The following LIPE variants were observed in gnomAD, a reference collection of about 807,000 sequenced individuals.
LIPE encodes hormone-sensitive lipase.
LIPE carries 66 observed loss-of-function variants against 88.5 expected under a neutral mutation model. That is an observed-to-expected ratio of 0.75 (90% CI 0.61 to 0.91). LIPE has a LOEUF of 0.91. LIPE is among the 40% of genes least tolerant of loss of function. LIPE has a pLI of 0.00. For synonymous variants in LIPE, 570 were observed against 617.5 expected (o/e 0.92, Z 1.14); for missense variants, 1,346 against 1,434.7 (o/e 0.94, Z 1.00).
chr19:42,412,400 G>T, intron 1 of LIPE: 1 of 985,942 alleles, frequency 1.0e-6, no homozygotes, highest in Non-Finnish European at 1.2e-6. Flanking sequence ...CCTGGGCTGG[G>T]ACTGCTGGTC....
Position 42,401,759 on chromosome 19 carries a change from C to G in LIPE, c.*53G>C, listed in dbSNP as rs1423163452. ...GGCACAGCCCGCGTCCCCTTCCGCC[C>G]GGCCCGGAAGGCATTCATGACGGAG... On this transcript the variant is annotated 3_prime_UTR_variant, in exon 10 of 10. Transcript: ENST00000244289. The G allele has an allele frequency of 1.6e-5, 22 of 1,339,250 alleles. No homozygotes were observed. Among genetic ancestry groups the G allele is most frequent in the Non-Finnish European group, 1.9e-6 (2 of 1,032,698 alleles). The allele number at this position is 1,339,250 out of a possible 1,614,324, so 83.0% of individuals were successfully genotyped here.
intron 1 of LIPE, chr19:42,411,251 T>C: frequency 1.0e-6 from 1 of 955,002 alleles, no homozygotes; most frequent in Non-Finnish European, 1.2e-6. Flanking sequence ...CGACTCTGCT[T>C]CCCTAACTCA....
At chr19:42,412,438 G>T in intron 1 of LIPE, 2 of 985,952 alleles carry the variant, frequency 2.0e-6, no homozygotes, top group Non-Finnish European at 2.4e-6. Context: ...GCAGCCTGGG[G>T]CAATAAACCC....
chr19:42,406,444 G>A lies in LIPE; in HGVS notation c.2138-56C>T. ...CCTGGCAGGGGCAGAGGCCTGGGGA[G>A]GAGGGCAGGGAGGAACTCAAGCTGG... On this transcript the variant is annotated intron_variant, in intron 6 of 9. Coordinates refer to ENST00000244289, the MANE Select transcript of LIPE (RefSeq NM_005357.4). The surrounding 1 kb of genome is among the most constrained non-coding windows in gnomAD (Gnocchi z 5.7). 6.9e-7 allele frequency: 1 copy of A among 1,459,520 alleles called. No homozygotes were observed. Among genetic ancestry groups the A allele is most frequent in the East Asian group, 2.3e-5 (1 of 43,196 alleles). The allele number at this position is 1,459,520 out of a possible 1,614,324, so 90.4% of individuals were successfully genotyped here.
rs977402845 is a variant in LIPE at position 42,414,411 on chromosome 19, G to C, written c.884-3569C>G. On this transcript the variant is annotated intron_variant, in intron 1 of 9. Coordinates refer to ENST00000244289, the MANE Select transcript of LIPE (RefSeq NM_005357.4). This position sits in a 1 kb window ranked among gnomAD's most constrained non-coding sequence, Gnocchi z 4.6. ...CCTCATCTGGAAACTGCACTTGGCT[G>C]TTCTGCTGGCTCAGGGTGGGAGACA... 1.3e-5 allele frequency among the ~76,000 whole-genome samples: 2 copies of C among 152,258 alleles called. No homozygotes were observed. Among genetic ancestry groups the C allele is most frequent in the Non-Finnish European group, 2.9e-5 (2 of 68,042 alleles).
In LIPE at chr19:42,426,676, C is replaced by T. The variant is rs1350029405; in HGVS notation, c.474G>A (p.Ala158=). The T allele has an allele frequency of 2.0e-5, 32 of 1,614,158 alleles. No homozygotes were observed. The highest frequency in any genetic ancestry group is 2.5e-5 in the Non-Finnish European group (29 of 1,180,036). ...PAQQEAESTP[A]AQAKPGAKRE... is the part of the protein sequence containing the mutation. ...TTTTGGCTCCAGGTTTAGCCTGGGCCGCAGGTGTTGATTCAGCTTCTTGTT... is the reference window on the plus strand; with the variant it reads ...TTTTGGCTCCAGGTTTAGCCTGGGCTGCAGGTGTTGATTCAGCTTCTTGTT... Residue 158 remains alanine, a synonymous_variant, in exon 1 of 10, where the codon GCG becomes GCA. Coordinates refer to ENST00000244289, the MANE Select transcript of LIPE (RefSeq NM_005357.4).
chr19:42,424,656 G>C, intron 1 of LIPE: 1 of 456,202 alleles, frequency 2.2e-6, no homozygotes, highest in Non-Finnish European at 4.4e-6. Flanking sequence ...CGGAGGGGCC[G>C]CCATTGCCTG....
chr19:42,419,026 C>G (rs989608799), intron 1 of LIPE, among the ~76,000 whole-genome samples: 4 of 152,172 alleles, frequency 2.6e-5, no homozygotes, highest in Non-Finnish European at 2.9e-5. Context: ...CACCTGTAAT[C>G]CCACCACTTT....
intron 1 of LIPE, among the ~76,000 whole-genome samples, chr19:42,425,935 G>A (rs2040698448): frequency 6.6e-6 from 1 of 152,018 alleles, no homozygotes; most frequent in Non-Finnish European, 1.5e-5. Context: ...CCGAGTAGCT[G>A]GGATTACAGG....
In LIPE at chr19:42,406,359, C is replaced by T. The variant is rs781109200; in HGVS notation, c.2167G>A (p.Gly723Arg). 2 of 1,613,844 alleles carry T rather than the reference C, an allele frequency of 1.2e-6. No homozygotes were observed. Among genetic ancestry groups the T allele is most frequent in the Admixed American group, 3.3e-5 (2 of 60,028 alleles). The change falls in exon 7 of 10, where the codon GGG becomes AGG. Residue 723 changes from glycine to arginine, a missense_variant. Transcript: ENST00000244289. The surrounding 1 kb of genome is among the most constrained non-coding windows in gnomAD (Gnocchi z 5.7). ...GSTGERICLA[G>R]DSAGGNLCFT... ...CAGAGGTTCCCGCCTGCACTGTCCC[C>T]CGCAAGGCAGATTCGTTCCCCTGTT...
At chr19:42,402,237 A>G (rs2040002266) in intron 9 of LIPE, among the ~76,000 whole-genome samples, 162 bp from the exon 10 acceptor site, 1 of 151,826 alleles carries the variant, frequency 6.6e-6, no homozygotes, top group Non-Finnish European at 1.5e-5. Flanking sequence ...TGGGGAGAGA[A>G]TGGAGGGAAT....
intron 1 of LIPE, among the ~76,000 whole-genome samples, chr19:42,418,126 G>A (rs935870455): frequency 1.3e-5 from 2 of 152,110 alleles, no homozygotes; most frequent in Non-Finnish European, 2.9e-5. Context: ...GGGACTACAG[G>A]TGCCTGCCAC....
rs1246769135 is a variant in LIPE at position 42,410,310 on chromosome 19, G to T, written c.1416C>A (p.Phe472Leu). The change falls in exon 2 of 10, where the codon TTC (phenylalanine) becomes TTA (leucine). Residue 472 changes from phenylalanine to leucine, a missense_variant. Coordinates refer to ENST00000244289, the MANE Select transcript of LIPE (RefSeq NM_005357.4). The surrounding 1 kb of genome is among the most constrained non-coding windows in gnomAD (Gnocchi z 6.1). ...GGGCACGGGGCAGGGGGCTCACCTG[G>T]AAGCCCAGGCAGCGGCCATAGAAGC... The part of the protein sequence containing the change: ...KGCFYGRCLG[F>L]QFTPAIRPFL... 1 of 1,574,122 alleles carries T rather than the reference G, an allele frequency of 6.4e-7. No homozygotes were observed. Among genetic ancestry groups the T allele is most frequent in the Non-Finnish European group, 8.6e-7 (1 of 1,159,222 alleles).
At chr19:42,405,974 TCTCACA>T (rs1397630953) in intron 7 of LIPE, 181 bp downstream of exon 7, 378 of 480,670 alleles carry the variant, frequency 7.9e-4, no homozygotes, top group African/African-American at 6.0e-3. Flanking sequence ...TCTCTCTCTC[TCTCACA>T]CACACACACA....
Position 42,407,479 on chromosome 19 carries a change from G to C in LIPE, c.1843-11C>G, listed in dbSNP as rs781551991. On this transcript the variant is annotated splice_polypyrimidine_tract_variant and intron_variant, in intron 5 of 9. Transcript: ENST00000244289. The surrounding 1 kb of genome is among the most constrained non-coding windows in gnomAD (Gnocchi z 5.8). Reference sequence around the variant, plus strand: ...GAGCTCCTCACTGTCCTGGGGGTGAGGAGGGAGACGGTGTGTGAGGTTGGG... The same window carrying C: ...GAGCTCCTCACTGTCCTGGGGGTGACGAGGGAGACGGTGTGTGAGGTTGGG... The C allele has an allele frequency of 1.9e-6, 3 of 1,604,052 alleles. No individual in the cohort carries two copies. Among genetic ancestry groups the C allele is most frequent in the Non-Finnish European group, 2.6e-6 (3 of 1,172,996 alleles).
rs938640921 is a variant in LIPE, at chr19:42,408,566, A to G, written c.1420-244T>C. ...TGACAAGGAATGACGAATGGTTTGG[A>G]AAAAAAAAAAGGCAGTAGGTGGAGA... is the stretch of plus-strand genomic sequence containing the variant. On this transcript the variant is annotated intron_variant, in intron 2 of 9. Transcript: ENST00000244289. This position sits in a 1 kb window ranked among gnomAD's most constrained non-coding sequence, Gnocchi z 4.3. 99 of 245,906 alleles carry G rather than the reference A, an allele frequency of 4.0e-4. No homozygotes were observed. The highest frequency in any genetic ancestry group is 1.2e-3 in the Middle Eastern group (1 of 804). The allele number at this position is 245,906 out of a possible 1,614,324, so 15.2% of individuals were successfully genotyped here.
At chr19:42,424,154 G>T (rs1215384404) in intron 1 of LIPE, 2 of 1,172,956 alleles carry the variant, frequency 1.7e-6, no homozygotes, top group Non-Finnish European at 2.2e-6. Context: ...TTTCCTGGGG[G>T]ATCTTTCTCC....
chr19:42,414,920 C>T lies in LIPE; in HGVS notation c.884-4078G>A, dbSNP rs906310900. Reference sequence around the variant, plus strand: ...ATTTCCCCCATCTCTCTTCTCGAGCCTCCATATTCCCTAAGACATACAATA... The same window carrying T: ...ATTTCCCCCATCTCTCTTCTCGAGCTTCCATATTCCCTAAGACATACAATA... On this transcript the variant is annotated intron_variant, in intron 1 of 9. Transcript: ENST00000244289. This position sits in a 1 kb window ranked among gnomAD's most constrained non-coding sequence, Gnocchi z 4.6. Among the ~76,000 whole-genome samples, 3 of 152,200 alleles carry T rather than the reference C, an allele frequency of 2.0e-5. No homozygotes were observed. Among genetic ancestry groups the T allele is most frequent in the African/African-American group, 7.2e-5 (3 of 41,452 alleles).
Position 42,406,921 on chromosome 19 carries a change from G to A in LIPE, c.2137+253C>T, listed in dbSNP as rs149619179. The stretch of plus-strand genomic sequence containing the variant: ...GCAGGGCCTGGAGCTATCAGAGGGG[G>A]ACGACAGAGGCCCAGGGAGACAGGA... On this transcript the variant is annotated intron_variant, in intron 6 of 9. Transcript: ENST00000244289. The surrounding 1 kb of genome is among the most constrained non-coding windows in gnomAD (Gnocchi z 5.7). Among the ~76,000 whole-genome samples the A allele has an allele frequency of 3.1e-3, 473 of 152,216 alleles. 3 individuals are homozygous for A. Among genetic ancestry groups the A allele is most frequent in the Admixed American group, 8.5e-3 (130 of 15,296 alleles).
Sources: gnomAD v4.1 joint callset for allele counts (sites outside exome capture counted in the v4.1 genomes callset) on GRCh38, gnomAD v4.1.1 for gene constraint, Gnocchi (gnomAD v3.1) non-coding constraint, MANE v1.5 for transcripts, NCBI Gene and HGNC (gene_info 2026-07-23, HGNC 2026-07-21) for gene names.